RAB8B: variants seen among roughly 807,000 people sequenced by gnomAD.
RAB8B encodes the protein ras-related protein Rab-8B.
In RAB8B, 11 loss-of-function variants were observed where a neutral mutation model predicts 32.0. That is an observed-to-expected ratio of 0.34 (90% CI 0.22 to 0.57). The LOEUF is 0.57. Among genes scored for constraint, RAB8B ranks in the 20% least tolerant of loss-of-function variants. The pLI is 0.86. For missense variants in RAB8B, 190 were observed against 258.5 expected (o/e 0.73, Z 1.82); for synonymous variants, 103 against 89.6 (o/e 1.15, Z -0.85).
chr15:63,191,874 G>C (rs1405190403), intron 1 of RAB8B, among the ~76,000 whole-genome samples: 1 of 152,148 alleles, frequency 6.6e-6, no homozygotes, highest in East Asian at 1.9e-4. Context: ...TTTTAAAATA[G>C]TAGCTTTTAA....
chr15:63,207,714 C>T (rs781508020), intron 1 of RAB8B, among the ~76,000 whole-genome samples: 14 of 152,030 alleles, frequency 9.2e-5, no homozygotes, highest in African/African-American at 3.4e-4. Context: ...TGCGTGCCAC[C>T]ACACCCGGCA....
chr15:63,217,772 G>A (rs770269512), intron 1 of RAB8B, among the ~76,000 whole-genome samples: 1 of 152,158 alleles, frequency 6.6e-6, no homozygotes, highest in Non-Finnish European at 1.5e-5. Context: ...AGTTTTTCGG[G>A]AGAGAGAAGG....
chr15:63,265,097 A>G lies in RAB8B; in HGVS notation c.*1478A>G, dbSNP rs2038235241. On this transcript the variant is annotated 3_prime_UTR_variant, in exon 8 of 8. Coordinates refer to ENST00000321437, the MANE Select transcript of RAB8B (RefSeq NM_016530.3). This position sits in a 1 kb window ranked among gnomAD's most constrained non-coding sequence, Gnocchi z 4.9. The stretch of plus-strand genomic sequence containing the variant: ...GGATAAAACAGAGGGGATGAGGGAA[A>G]TGAATTCTGTTAATAATTATTCTTC... 2 of 152,674 alleles carry G rather than the reference A, an allele frequency of 1.3e-5. No individual in the cohort carries two copies. Among genetic ancestry groups the G allele is most frequent in the African/African-American group, 2.4e-5 (1 of 41,458 alleles). 9.5% of individuals were successfully genotyped at this position (152,674 alleles called of 1,614,324 possible). A position where few individuals can be genotyped will look rare whatever the true frequency, so the allele number is the denominator to read the frequency against.
At chr15:63,194,054 CT>C in intron 1 of RAB8B, among the ~76,000 whole-genome samples, 1 of 152,306 alleles carries the variant, frequency 6.6e-6, no homozygotes, top group Middle Eastern at 3.4e-3. Context: ...ATCAGAGCTT[CT>C]TCCCTTTGCC....
chr15:63,199,139 C>T (rs1053036876), intron 1 of RAB8B, among the ~76,000 whole-genome samples: 3 of 152,190 alleles, frequency 2.0e-5, no homozygotes, highest in African/African-American at 7.2e-5. Context: ...TGTCTGTTAG[C>T]ACCTCACCCA....
chr15:63,189,879 T>TGAGAGGGGCGCGGGCGTGAGG (rs2037539588), intron 1 of RAB8B, 131 bp downstream of exon 1: 1 of 913,918 alleles, frequency 1.1e-6, no homozygotes, highest in Non-Finnish European at 1.4e-6. Context: ...GCGGGGGCAC[T>TGAGAGGGGCGCGGGCGTGAGG]GAGAGGGGCG....
chr15:63,262,940 C>T (rs1014713864), intron 7 of RAB8B, among the ~76,000 whole-genome samples, 198 bp downstream of exon 7: 2 of 152,058 alleles, frequency 1.3e-5, no homozygotes, highest in Non-Finnish European at 2.9e-5. Flanking sequence ...GTCCTTTCTT[C>T]TGGCTCTTTA....
chr15:63,236,353 A>G (rs1208860415), intron 1 of RAB8B, among the ~76,000 whole-genome samples: 3 of 152,172 alleles, frequency 2.0e-5, no homozygotes, highest in Non-Finnish European at 4.4e-5. Context: ...TTAATAAGGA[A>G]AGTGGGACTA....
chr15:63,262,640 TAC>T, intron 6 of RAB8B, 50 bp from the exon 7 acceptor site: 6 of 464,798 alleles, frequency 1.3e-5, no homozygotes, highest in South Asian at 4.7e-5. Flanking sequence ...TATATATATA[TAC>T]ATATATATAG....
rs1475255021 is a variant in RAB8B, at chr15:63,248,149, A to G, written c.186-1496A>G. ...AATGCCGATCAAAGAAAATGACAGG[A>G]TAAGATGGCTTTTTTGTAAGGCCTG... On this transcript the variant is annotated intron_variant, in intron 2 of 7. Coordinates refer to ENST00000321437, the MANE Select transcript of RAB8B (RefSeq NM_016530.3). This position sits in a 1 kb window ranked among gnomAD's most constrained non-coding sequence, Gnocchi z 4.4. 6.6e-6 allele frequency among the ~76,000 whole-genome samples: 1 copy of G among 152,232 alleles called. No homozygotes were observed. The highest frequency in any genetic ancestry group is 1.5e-5 in the Non-Finnish European group (1 of 68,046).
At chr15:63,204,254 G>C (rs1044298206) in intron 1 of RAB8B, among the ~76,000 whole-genome samples, 33 of 152,242 alleles carry the variant, frequency 2.2e-4, no homozygotes, top group African/African-American at 7.2e-4. Context: ...GCTAGAATTG[G>C]AAATATTTGT....
At chr15:63,214,136 T>G (rs2037771288) in intron 1 of RAB8B, among the ~76,000 whole-genome samples, 1 of 152,068 alleles carries the variant, frequency 6.6e-6, no homozygotes, top group African/African-American at 2.4e-5. Flanking sequence ...ATGTAGAAAT[T>G]TCCAGTGTTT....
At chr15:63,229,175 C>T (rs1017385212) in intron 1 of RAB8B, among the ~76,000 whole-genome samples, 2 of 152,158 alleles carry the variant, frequency 1.3e-5, no homozygotes, top group African/African-American at 2.4e-5. Flanking sequence ...AGTGGCTACC[C>T]CAGCATTGGG....
rs2038221761 is a variant in RAB8B at position 63,263,863 on chromosome 15, C to G, written c.*244C>G. The G allele has an allele frequency of 2.5e-6, 1 of 401,002 alleles. No individual in the cohort carries two copies. Among genetic ancestry groups the G allele is most frequent in the Non-Finnish European group, 4.5e-6 (1 of 223,320 alleles). 24.8% of individuals were successfully genotyped at this position (401,002 alleles called of 1,614,324 possible). A position where few individuals can be genotyped will look rare whatever the true frequency, so the allele number is the denominator to read the frequency against. The stretch of plus-strand genomic sequence containing the variant: ...CATGCAGGACCTAACTCGTTTTTTC[C>G]TTGTTTTATTACCTGTTGCAGAAGC... On this transcript the variant is annotated 3_prime_UTR_variant, in exon 8 of 8. Transcript: ENST00000321437.
rs2038088792 is a variant in RAB8B at position 63,248,434 on chromosome 15, C to T, written c.186-1211C>T. 6.6e-6 allele frequency among the ~76,000 whole-genome samples: 1 copy of T among 152,184 alleles called. No individual in the cohort carries two copies. Among genetic ancestry groups the T allele is most frequent in the Non-Finnish European group, 1.5e-5 (1 of 68,032 alleles). On this transcript the variant is annotated intron_variant, in intron 2 of 7. Coordinates refer to ENST00000321437, the MANE Select transcript of RAB8B (RefSeq NM_016530.3). The surrounding 1 kb of genome is among the most constrained non-coding windows in gnomAD (Gnocchi z 4.4). Reference sequence around the variant, plus strand: ...GGCTGAGGCAGGAGAATCGCTTGAACCCAGGAGGCAGAGGTTGCAGTGAGC... The same window carrying T: ...GGCTGAGGCAGGAGAATCGCTTGAATCCAGGAGGCAGAGGTTGCAGTGAGC...
chr15:63,236,992 A>C (rs1405806281), intron 1 of RAB8B, among the ~76,000 whole-genome samples: 3 of 152,324 alleles, frequency 2.0e-5, no homozygotes, highest in African/African-American at 7.2e-5. Context: ...AAATTAGAAC[A>C]TGCGAAGTTT....
At chr15:63,202,390 A>G (rs2037660551) in intron 1 of RAB8B, among the ~76,000 whole-genome samples, 1 of 152,258 alleles carries the variant, frequency 6.6e-6, no homozygotes, top group Non-Finnish European at 1.5e-5. Context: ...AGTAATAGCT[A>G]ATGCAAACAT....
intron 1 of RAB8B, among the ~76,000 whole-genome samples, chr15:63,194,885 T>A (rs2037587658): frequency 6.6e-6 from 1 of 152,216 alleles, no homozygotes; most frequent in South Asian, 2.1e-4. Flanking sequence ...CTTAAAAATA[T>A]TTACTAACTG....
intron 1 of RAB8B, among the ~76,000 whole-genome samples, chr15:63,225,750 T>C (rs1240997171): frequency 6.6e-6 from 1 of 152,246 alleles, no homozygotes; most frequent in Non-Finnish European, 1.5e-5. Context: ...CCTAGCGTAG[T>C]GTCAGGCTCA....
Sources: gnomAD v4.1 joint callset for allele counts (sites outside exome capture counted in the v4.1 genomes callset) on GRCh38, gnomAD v4.1.1 for gene constraint, Gnocchi (gnomAD v3.1) non-coding constraint, MANE v1.5 for transcripts, NCBI Gene and HGNC (gene_info 2026-07-23, HGNC 2026-07-21) for gene names.